Variants in PCDH15 observed in about 807,000 individuals in gnomAD.
PCDH15 encodes protocadherin-15.
A neutral mutation model predicts 178.5 loss-of-function variants in PCDH15; 129 were observed. The observed-to-expected ratio is 0.72, with a 90% CI of 0.63 to 0.84. The LOEUF (loss-of-function observed/expected upper bound fraction) is 0.84. Ranked by LOEUF, PCDH15 falls within the 40% of genes least tolerant of loss-of-function variation. The probability of loss-of-function intolerance (pLI) is 0.00; values close to 1 mark genes in which losing one functional copy is unlikely to be tolerated. For synonymous variants in PCDH15, 800 were observed against 732.0 expected (o/e 1.09, Z -1.50); for missense variants, 2,230 against 2,099.9 (o/e 1.06, Z -1.21).
intron 21 of PCDH15, among the ~76,000 whole-genome samples, chr10:53,981,798 C>T (rs950912404): frequency 4.6e-5 from 7 of 151,542 alleles, no homozygotes; most frequent in African/African-American, 1.7e-4. Flanking sequence ...GCAATGGCAA[C>T]AAAAGGCAAA....
chr10:53,973,529 TA>T (rs1263933392), intron 21 of PCDH15, among the ~76,000 whole-genome samples: 2 of 152,222 alleles, frequency 1.3e-5, no homozygotes, highest in Non-Finnish European at 2.9e-5. Context: ...GAAATTGTGA[TA>T]AAATTGCTTT....
intron 2 of PCDH15, among the ~76,000 whole-genome samples, chr10:55,471,525 T>C (rs894008142): frequency 1.3e-5 from 2 of 152,284 alleles, no homozygotes; most frequent in South Asian, 4.1e-4. Flanking sequence ...TTGTAATGTT[T>C]TTGATGTTTT....
intron 32 of PCDH15, among the ~76,000 whole-genome samples, chr10:53,826,709 C>A (rs1423236990): frequency 6.6e-6 from 1 of 152,000 alleles, no homozygotes; most frequent in Non-Finnish European, 1.5e-5. Flanking sequence ...CAGTGTCTTT[C>A]AAAAATGTAT....
At chr10:54,868,444 T>C (rs1953976602) in intron 3 of PCDH15, among the ~76,000 whole-genome samples, 1 of 151,970 alleles carries the variant, frequency 6.6e-6, no homozygotes, top group Non-Finnish European at 1.5e-5. Flanking sequence ...CTTCTCTTCC[T>C]CCTCCCTCAC....
intron 19 of PCDH15, among the ~76,000 whole-genome samples, chr10:54,022,141 C>A (rs372554640): frequency 2.6e-5 from 4 of 151,162 alleles, no homozygotes; most frequent in African/African-American, 7.3e-5. Flanking sequence ...CCAAAACATA[C>A]CTTATAGACC....
intron 2 of PCDH15, among the ~76,000 whole-genome samples, chr10:55,607,361 CT>C (rs1462526040): frequency 2.0e-5 from 3 of 146,606 alleles, no homozygotes; most frequent in African/African-American, 7.7e-5. Context: ...GGATCTAGAA[CT>C]AGAAATACCA....
chr10:54,622,265 T>C (rs2093376704), intron 2 of PCDH15, among the ~76,000 whole-genome samples: 1 of 151,698 alleles, frequency 6.6e-6, no homozygotes, highest in Non-Finnish European at 1.5e-5. Flanking sequence ...TGTGTGTGTG[T>C]GTTTATCTAT....
chr10:54,333,762 C>T (rs922308218), intron 6 of PCDH15, among the ~76,000 whole-genome samples: 1 of 152,124 alleles, frequency 6.6e-6, no homozygotes, highest in Non-Finnish European at 1.5e-5. Context: ...TCTTGGGAAT[C>T]GGCATTTTTA....
chr10:54,598,113 T>G (rs1565702122), intron 2 of PCDH15, among the ~76,000 whole-genome samples: 1 of 151,940 alleles, frequency 6.6e-6, no homozygotes, highest in African/African-American at 2.4e-5. Context: ...AGAAGGGACT[T>G]CTCCTCAACT....
chr10:55,567,304 G>A (rs1842321517), intron 2 of PCDH15, among the ~76,000 whole-genome samples: 1 of 151,734 alleles, frequency 6.6e-6, no homozygotes, highest in South Asian at 2.1e-4. Flanking sequence ...GACCTAAATG[G>A]AAGGCCTAAA....
chr10:54,266,765 C>T (rs1034308785), intron 8 of PCDH15, among the ~76,000 whole-genome samples: 5 of 151,756 alleles, frequency 3.3e-5, no homozygotes, highest in Non-Finnish European at 5.9e-5. Flanking sequence ...ACTTGAAACA[C>T]TGAACACACC....
intron 5 of PCDH15, among the ~76,000 whole-genome samples, chr10:54,352,722 A>G (rs928475797): frequency 2.6e-5 from 4 of 152,178 alleles, no homozygotes; most frequent in Non-Finnish European, 5.9e-5. Context: ...AATTGTTAAT[A>G]TCATTGATCT....
At chr10:55,494,526 AT>A (rs1427499682) in intron 2 of PCDH15, among the ~76,000 whole-genome samples, 4 of 151,186 alleles carry the variant, frequency 2.6e-5, no homozygotes, top group African/African-American at 4.9e-5. Context: ...TCTTTTGTTT[AT>A]TTCCTATTTT....
chr10:55,360,572 G>C (rs1466856098), intron 2 of PCDH15, among the ~76,000 whole-genome samples: 1 of 151,912 alleles, frequency 6.6e-6, no homozygotes, highest in Non-Finnish European at 1.5e-5. Flanking sequence ...ATTCATAAAA[G>C]AGAATACCCA....
chr10:54,984,673 TA>T (rs1839320566), intron 2 of PCDH15, among the ~76,000 whole-genome samples: 1 of 152,004 alleles, frequency 6.6e-6, no homozygotes, highest in Admixed American at 6.6e-5. Flanking sequence ...ACACTGTCTC[TA>T]CAAAAAAAAT....
chr10:54,314,574 G>T (rs1249937440), intron 8 of PCDH15, among the ~76,000 whole-genome samples: 3 of 152,020 alleles, frequency 2.0e-5, no homozygotes, highest in Admixed American at 1.3e-4. Flanking sequence ...CCATATGCAG[G>T]TTTGTTACAT....
intron 3 of PCDH15, among the ~76,000 whole-genome samples, chr10:54,850,426 A>T (rs1222270416): frequency 1.3e-5 from 2 of 151,928 alleles, no homozygotes; most frequent in Non-Finnish European, 2.9e-5. Flanking sequence ...GGAGTCTTTT[A>T]TCCCTCACCC....
At chr10:53,825,691 A>G (rs2132550454) in intron 32 of PCDH15, among the ~76,000 whole-genome samples, 1 of 151,656 alleles carries the variant, frequency 6.6e-6, no homozygotes, top group East Asian at 1.9e-4. Flanking sequence ...TTTTAAGATA[A>G]TTGATAATAA....
intron 3 of PCDH15, among the ~76,000 whole-genome samples, chr10:54,438,190 T>A (rs1047001792): frequency 6.6e-6 from 1 of 152,014 alleles, no homozygotes; most frequent in Non-Finnish European, 1.5e-5. Context: ...GATGTCCTTC[T>A]TTTGTCTATG....
Sources: allele counts gnomAD v4.1 joint callset (sites outside exome capture counted in the v4.1 genomes callset), GRCh38; gene constraint gnomAD v4.1.1; transcripts MANE v1.5; gene names NCBI Gene and HGNC (gene_info 2026-07-23, HGNC 2026-07-21).